Variants in SHB observed in about 807,000 individuals in gnomAD.
The protein encoded by SHB is SH2 domain-containing adapter protein B.
SHB carries 20 observed loss-of-function variants against 52.3 expected under a neutral mutation model. That is an observed-to-expected ratio of 0.38 (90% confidence interval 0.27 to 0.56). SHB has a LOEUF of 0.56. Ranked by LOEUF, SHB falls within the 20% of genes least tolerant of loss-of-function variation. The pLI, the probability that SHB is intolerant of heterozygous loss-of-function variation, is 0.71. For synonymous variants in SHB, 397 were observed against 316.5 expected (o/e 1.25, Z -2.70); for missense variants, 825 against 723.3 (o/e 1.14, Z -1.61).
chr9:38,060,279 A>G (rs1821876062), intron 1 of SHB, among the ~76,000 whole-genome samples: 1 of 152,104 alleles, frequency 6.6e-6, no homozygotes, highest in Admixed American at 6.6e-5. Flanking sequence ...GGTTCAAGCA[A>G]TTCTCCCACC....
At chr9:38,016,727 G>A (rs1821218590) in intron 1 of SHB, among the ~76,000 whole-genome samples, 1 of 152,176 alleles carries the variant, frequency 6.6e-6, no homozygotes, top group Admixed American at 6.6e-5. Context: ...AGCAGCTCAA[G>A]GATCGACAGA....
chr9:38,055,267 C>A (rs1402991369), intron 1 of SHB, among the ~76,000 whole-genome samples: 5 of 152,172 alleles, frequency 3.3e-5, no homozygotes, highest in Non-Finnish European at 7.3e-5. Flanking sequence ...ACGACTTAAT[C>A]TTTTCCTTTA....
intron 2 of SHB, among the ~76,000 whole-genome samples, chr9:38,015,212 C>T (rs1262444429): frequency 6.6e-6 from 1 of 152,238 alleles, no homozygotes; most frequent in African/African-American, 2.4e-5. Context: ...CTGGCCTGCC[C>T]TCTTGAACCA....
intron 2 of SHB, among the ~76,000 whole-genome samples, chr9:37,975,838 G>A (rs952478929): frequency 6.6e-6 from 1 of 152,118 alleles, no homozygotes; most frequent in East Asian, 1.9e-4. Context: ...GCTCAGTGTA[G>A]GGCCTGGGAG....
At chr9:37,979,096 T>A (rs978586280) in intron 2 of SHB, among the ~76,000 whole-genome samples, 1 of 152,194 alleles carries the variant, frequency 6.6e-6, no homozygotes, top group African/African-American at 2.4e-5. Flanking sequence ...GTCTTCCTTA[T>A]TAGCTGGGCC....
chr9:37,939,793 C>T (rs1442393055), intron 5 of SHB, among the ~76,000 whole-genome samples: 1 of 152,164 alleles, frequency 6.6e-6, no homozygotes, highest in African/African-American at 2.4e-5. Flanking sequence ...GTAATGTGAA[C>T]ACCAGTTTCT....
Position 38,068,254 on chromosome 9 carries a change from G to A in SHB, c.392C>T (p.Ser131Leu), listed in dbSNP as rs1287913965. The A allele has an allele frequency of 2.8e-6, 4 of 1,431,142 alleles. No individual in the cohort carries two copies. Among genetic ancestry groups the A allele is most frequent in the Non-Finnish European group, 3.6e-6 (4 of 1,102,508 alleles). The allele number at this position is 1,431,142 out of a possible 1,614,324, so 88.7% of individuals were successfully genotyped here. A position where few individuals can be genotyped will look rare whatever the true frequency, so the allele number is the denominator to read the frequency against. ...PGGVQRAFSA[S>L]SASGAAGCCC... ...ACAGCCCGCGGCGCCCGACGCGGACGAGGCCGAGAAGGCGCGCTGGACCCC... is the reference window on the plus strand; with the variant it reads ...ACAGCCCGCGGCGCCCGACGCGGACAAGGCCGAGAAGGCGCGCTGGACCCC... The change falls in exon 1 of 6, where the codon TCG becomes TTG. Residue 131 changes from serine to leucine, a missense_variant. By Grantham distance (145) the Ser-to-Leu change is moderately radical. Transcript: ENST00000377707.
intron 2 of SHB, among the ~76,000 whole-genome samples, chr9:37,998,759 T>C (rs552672749): frequency 6.6e-6 from 1 of 152,346 alleles, no homozygotes; most frequent in South Asian, 2.1e-4. Flanking sequence ...GTCCTCGAAA[T>C]CCTATTTTGA....
chr9:38,045,678 A>G (rs1443208732), intron 1 of SHB, among the ~76,000 whole-genome samples: 1 of 152,148 alleles, frequency 6.6e-6, no homozygotes, highest in Non-Finnish European at 1.5e-5. Context: ...TTTGTAATGA[A>G]CCTGACTATA....
intron 1 of SHB, among the ~76,000 whole-genome samples, chr9:38,023,190 G>C (rs1821301979): frequency 6.6e-6 from 1 of 152,224 alleles, no homozygotes; most frequent in South Asian, 2.1e-4. Context: ...TGGCAGTGCA[G>C]AAAGGATGCC....
intron 3 of SHB, among the ~76,000 whole-genome samples, chr9:37,972,196 A>C (rs1221863914): frequency 1.3e-5 from 2 of 152,162 alleles, no homozygotes; most frequent in African/African-American, 4.8e-5. Flanking sequence ...GGTGTCTGGG[A>C]AAGTTGTCAC....
intron 2 of SHB, among the ~76,000 whole-genome samples, chr9:37,987,331 T>C (rs1315931407): frequency 1.3e-5 from 2 of 152,214 alleles, no homozygotes; most frequent in African/African-American, 4.8e-5. Context: ...CATGAGGTGG[T>C]ACCCCACAGA....
rs1371354754 is a variant in SHB, at chr9:38,068,960, G to A, written c.-315C>T. 8 of 151,648 alleles carry A rather than the reference G, an allele frequency of 5.3e-5. No homozygotes were observed. Among genetic ancestry groups the A allele is most frequent in the African/African-American group, 1.9e-4 (8 of 41,340 alleles). 9.4% of individuals were successfully genotyped at this position (151,648 alleles called of 1,614,324 possible). ...GAAGGTCCGAGCGCTCCACGCCGCG[G>A]ACCCTTTGGCCGTACGCCCCTCGCC... On this transcript the variant is annotated 5_prime_UTR_variant, in exon 1 of 6. Coordinates refer to ENST00000377707, the MANE Select transcript of SHB (RefSeq NM_003028.3).
At chr9:37,974,878 T>C (rs1820636958) in intron 2 of SHB, 41 bp from the exon 3 acceptor site, 1 of 1,516,826 alleles carries the variant, frequency 6.6e-7, no homozygotes, top group Non-Finnish European at 9.2e-7. Flanking sequence ...AAATGGATAC[T>C]GCACTTCCTC....
chr9:37,949,558 A>G (rs1832540067), intron 4 of SHB, among the ~76,000 whole-genome samples: 1 of 152,216 alleles, frequency 6.6e-6, no homozygotes, highest in Non-Finnish European at 1.5e-5. Flanking sequence ...AAGGCTGCCT[A>G]GCGTATTCTG....
chr9:37,968,663 C>T (rs1166599829), intron 3 of SHB, among the ~76,000 whole-genome samples: 1 of 152,220 alleles, frequency 6.6e-6, no homozygotes, highest in East Asian at 1.9e-4. Context: ...GGGTGCCCTT[C>T]ACACACCCTC....
intron 2 of SHB, among the ~76,000 whole-genome samples, chr9:37,976,275 A>T (rs939824923): frequency 1.3e-5 from 2 of 152,116 alleles, no homozygotes; most frequent in Non-Finnish European, 2.9e-5. Flanking sequence ...ACCTCATGTG[A>T]TCTCCCTGCC....
At chr9:38,013,764 C>T (rs1821173670) in intron 2 of SHB, among the ~76,000 whole-genome samples, 1 of 152,162 alleles carries the variant, frequency 6.6e-6, no homozygotes, top group South Asian at 2.1e-4. Context: ...ATGCCCTCTC[C>T]CATCCCCCTT....
intron 1 of SHB, among the ~76,000 whole-genome samples, chr9:38,037,848 A>T (rs1821508583): frequency 6.6e-6 from 1 of 152,176 alleles, no homozygotes; most frequent in African/African-American, 2.4e-5. Flanking sequence ...ACACAGGCTC[A>T]TTGGGGGATA....
Sources: gnomAD v4.1 joint callset for allele counts (sites outside exome capture counted in the v4.1 genomes callset) on GRCh38, gnomAD v4.1.1 for gene constraint, MANE v1.5 for transcripts, NCBI Gene and HGNC (gene_info 2026-07-23, HGNC 2026-07-21) for gene names.